The following FAM110B variants were observed in gnomAD, a reference collection of about 807,000 sequenced individuals.
The protein encoded by FAM110B is family with sequence similarity 110 member B.
In FAM110B, 6 loss-of-function variants were observed where a neutral mutation model predicts 20.4. That is an observed-to-expected ratio of 0.29 (90% CI 0.16 to 0.58). The LOEUF is 0.58. Among genes scored for constraint, FAM110B ranks in the 20% least tolerant of loss-of-function variants. The pLI, the probability that FAM110B is intolerant of heterozygous loss-of-function variation, is 0.90. For synonymous variants in FAM110B, 226 were observed against 214.1 expected, an observed-to-expected ratio of 1.06 and a Z score of -0.49; for missense variants, 434 against 498.2, an observed-to-expected ratio of 0.87 and a Z score of 1.23.
intron 2 of FAM110B, among the ~76,000 whole-genome samples, chr8:58,070,765 T>G (rs1429250273): frequency 6.6e-6 from 1 of 152,216 alleles, no homozygotes; most frequent in Admixed American, 6.5e-5. Flanking sequence ...AGGAAGAATT[T>G]AGTGAAACAC....
At chr8:58,026,152 G>A (rs142607532) in intron 1 of FAM110B, among the ~76,000 whole-genome samples, 10 of 152,298 alleles carry the variant, frequency 6.6e-5, no homozygotes, top group South Asian at 2.1e-4. Flanking sequence ...GTATATATTT[G>A]TACTGAACTC....
intron 3 of FAM110B, among the ~76,000 whole-genome samples, chr8:58,127,284 A>G (rs1317878886): frequency 3.3e-5 from 5 of 152,206 alleles, no homozygotes; most frequent in Non-Finnish European, 7.3e-5. Context: ...ATCATACCAC[A>G]ATCTTGATTA....
intron 1 of FAM110B, among the ~76,000 whole-genome samples, chr8:58,000,562 C>CTT (rs1474206771): frequency 6.6e-6 from 1 of 152,078 alleles, no homozygotes; most frequent in Non-Finnish European, 1.5e-5. Context: ...ATCTTCAATC[C>CTT]TTTTGTAGAC....
intron 3 of FAM110B, among the ~76,000 whole-genome samples, chr8:58,078,668 A>C (rs1033967847): frequency 3.4e-5 from 5 of 147,990 alleles, no homozygotes; most frequent in Non-Finnish European, 5.9e-5. Context: ...CTCCTGCCTC[A>C]GCCTCCCAAG....
chr8:58,009,737 C>G (rs989646380), intron 1 of FAM110B, among the ~76,000 whole-genome samples: 3 of 152,184 alleles, frequency 2.0e-5, no homozygotes, highest in Non-Finnish European at 4.4e-5. Context: ...TGCTCCATCT[C>G]CTTGGCAGCA....
chr8:58,056,303 G>A (rs548676701), intron 2 of FAM110B, among the ~76,000 whole-genome samples: 15 of 152,114 alleles, frequency 9.9e-5, no homozygotes, highest in Admixed American at 5.9e-4. Flanking sequence ...TTTATACTTC[G>A]TCAGGATGAG....
At chr8:58,008,596 C>CA (rs1804463139) in intron 1 of FAM110B, among the ~76,000 whole-genome samples, 1 of 152,144 alleles carries the variant, frequency 6.6e-6, no homozygotes, top group Admixed American at 6.5e-5. Flanking sequence ...TAGGAATATT[C>CA]AGAATCCTCT....
intron 2 of FAM110B, among the ~76,000 whole-genome samples, chr8:58,049,271 A>T (rs189026520): frequency 5.9e-5 from 9 of 152,326 alleles, no homozygotes; most frequent in African/African-American, 2.2e-4. Flanking sequence ...GCATGGATGG[A>T]TGAAATTTTG....
chr8:58,124,610 A>T (rs1271003687), intron 3 of FAM110B, among the ~76,000 whole-genome samples: 1 of 152,184 alleles, frequency 6.6e-6, no homozygotes, highest in African/African-American at 2.4e-5. Flanking sequence ...AATATGCCTG[A>T]TGCATTTTGG....
intron 3 of FAM110B, among the ~76,000 whole-genome samples, chr8:58,131,267 A>T (rs1375633885): frequency 6.6e-6 from 1 of 151,814 alleles, no homozygotes; most frequent in Non-Finnish European, 1.5e-5. Flanking sequence ...CATTCCCAAC[A>T]TGCTGCCTTT....
chr8:58,114,027 TC>T (rs1476485113), intron 3 of FAM110B, among the ~76,000 whole-genome samples: 1 of 152,236 alleles, frequency 6.6e-6, no homozygotes, highest in East Asian at 1.9e-4. Flanking sequence ...GCCATTGTCA[TC>T]TGCACATTTG....
At chr8:58,082,267 A>G (rs762976419) in intron 3 of FAM110B, among the ~76,000 whole-genome samples, 5 of 152,216 alleles carry the variant, frequency 3.3e-5, no homozygotes, top group African/African-American at 4.8e-5. Context: ...TTAACTGCCT[A>G]TAGTAGAGTG....
intron 1 of FAM110B, among the ~76,000 whole-genome samples, chr8:58,000,723 A>G (rs1304988305): frequency 2.6e-5 from 4 of 152,208 alleles, no homozygotes; most frequent in African/African-American, 9.6e-5. Context: ...CAATTTTGGG[A>G]AATACCAGTG....
At chr8:58,050,215 T>C (rs1356997827) in intron 2 of FAM110B, among the ~76,000 whole-genome samples, 3 of 152,108 alleles carry the variant, frequency 2.0e-5, no homozygotes, top group Non-Finnish European at 4.4e-5. Context: ...ACTTTTCTTT[T>C]TTTTTTTAAC....
intron 3 of FAM110B, among the ~76,000 whole-genome samples, chr8:58,097,999 C>G (rs1387120225): frequency 6.6e-6 from 1 of 152,204 alleles, no homozygotes; most frequent in Non-Finnish European, 1.5e-5. Flanking sequence ...CTGACTGTCC[C>G]CCAGTCAGGA....
chr8:58,105,556 A>ATTTTTTTTTTTTTTTTTT (rs71557704), intron 3 of FAM110B, among the ~76,000 whole-genome samples: 1 of 94,600 alleles, frequency 1.1e-5, no homozygotes, highest in African/African-American at 5.0e-5. Context: ...GAATGAATGA[A>ATTTTTTTTTTTTTTTTTT]TTTTTTTTTT....
intron 1 of FAM110B, among the ~76,000 whole-genome samples, chr8:57,999,598 T>TC (rs1368338611): frequency 1.1e-4 from 16 of 152,200 alleles, no homozygotes; most frequent in African/African-American, 3.6e-4. Flanking sequence ...TTTACTAAGT[T>TC]CCTCTACTAT....
intron 2 of FAM110B, among the ~76,000 whole-genome samples, chr8:58,064,374 G>C (rs1805719357): frequency 6.6e-6 from 1 of 151,584 alleles, no homozygotes; most frequent in Admixed American, 6.6e-5. Context: ...AAATGAAATG[G>C]ACAGGGGTAA....
At chr8:58,066,005 G>A (rs1020287262) in intron 2 of FAM110B, among the ~76,000 whole-genome samples, 5 of 152,136 alleles carry the variant, frequency 3.3e-5, no homozygotes, top group Admixed American at 6.5e-5. Flanking sequence ...ACAGGGAGGA[G>A]GAGCCGTGAT....
Sources: allele counts gnomAD v4.1 joint callset (sites outside exome capture counted in the v4.1 genomes callset), GRCh38; gene constraint gnomAD v4.1.1; transcripts MANE v1.5; gene names NCBI Gene and HGNC (gene_info 2026-07-23, HGNC 2026-07-21).